The following FBXO11 variants were observed in gnomAD, a reference collection of about 807,000 sequenced individuals.
FBXO11 encodes F-box only protein 11.
FBXO11 carries 13 observed loss-of-function variants against 117.0 expected under a neutral mutation model. The observed-to-expected ratio is 0.11, with a 90% confidence interval of 0.07 to 0.18. The LOEUF (loss-of-function observed/expected upper bound fraction) is 0.18, where lower values mean the gene tolerates loss of function less well. FBXO11 is among the 10% of genes least tolerant of loss of function. The pLI, the probability that FBXO11 is intolerant of heterozygous loss-of-function variation, is 1.00. For synonymous variants in FBXO11, 490 were observed against 380.5 expected (o/e 1.29, Z -3.35); for missense variants, 767 against 1,164.4 (o/e 0.66, Z 4.97).
chr2:47,841,395 C>T (rs1194246510), intron 1 of FBXO11, among the ~76,000 whole-genome samples: 1 of 152,086 alleles, frequency 6.6e-6, no homozygotes, highest in Non-Finnish European at 1.5e-5. Flanking sequence ...AATGAGTTAA[C>T]AGATTTAACC....
At chr2:47,834,746 A>C in intron 6 of FBXO11, 35 bp from the exon 7 acceptor site, 1 of 1,608,908 alleles carries the variant, frequency 6.2e-7, no homozygotes, top group Non-Finnish European at 8.5e-7. Context: ...ACAGAACTGA[A>C]AGATTACCAT....
chr2:47,809,102 T>A, intron 21 of FBXO11, 56 bp downstream of exon 21: 1 of 1,158,508 alleles, frequency 8.6e-7, no homozygotes, highest in Admixed American at 2.2e-5. Context: ...GCATTGCTAA[T>A]TTAAAAAGGA....
chr2:47,829,737 C>A (rs538714082), intron 11 of FBXO11, among the ~76,000 whole-genome samples: 1 of 151,432 alleles, frequency 6.6e-6, no homozygotes, highest in South Asian at 2.1e-4. Context: ...CTTTTAAAGA[C>A]ACATGGTAAA....
chr2:47,878,252 T>C (rs1304838784), intron 1 of FBXO11, among the ~76,000 whole-genome samples: 1 of 152,230 alleles, frequency 6.6e-6, no homozygotes, highest in Non-Finnish European at 1.5e-5. Context: ...AGTAGAGTTT[T>C]GGTCTCTATT....
At chr2:47,901,072 T>TAC (rs202135606) in intron 1 of FBXO11, among the ~76,000 whole-genome samples, 4,400 of 132,130 alleles carry the variant, frequency 0.033, 161 homozygotes, top group Non-Finnish European at 0.049. Context: ...TGTATATATA[T>TAC]ACACACGTGT....
chr2:47,900,309 C>T (rs1572930092), intron 1 of FBXO11, among the ~76,000 whole-genome samples: 1 of 152,196 alleles, frequency 6.6e-6, no homozygotes, highest in East Asian at 1.9e-4. Flanking sequence ...GGTTAGCCAC[C>T]AGATGACAGA....
chr2:47,879,243 T>A (rs58057481), intron 1 of FBXO11, among the ~76,000 whole-genome samples: 8,222 of 152,322 alleles, frequency 0.054, 236 homozygotes, highest in Non-Finnish European at 0.069. Context: ...TACAGAATAA[T>A]CTGATACATG....
chr2:47,855,841 C>G (rs1311802015), intron 1 of FBXO11, among the ~76,000 whole-genome samples: 2 of 105,362 alleles, frequency 1.9e-5, no homozygotes, highest in African/African-American at 7.2e-5. Context: ...TCAAACAGTT[C>G]AAAAAAAAAA....
At chr2:47,862,158 T>C (rs1490823911) in intron 1 of FBXO11, among the ~76,000 whole-genome samples, 4 of 152,174 alleles carry the variant, frequency 2.6e-5, no homozygotes, top group African/African-American at 9.7e-5. Context: ...TGACCTCAAG[T>C]GATCTGCCTG....
rs747839269 is a variant in FBXO11 at position 47,809,244 on chromosome 2, T to C, written c.2469A>G (p.Gln823=). 6.3e-7 allele frequency: 1 copy of C among 1,593,222 alleles called. No individual in the cohort carries two copies. The highest frequency in any genetic ancestry group is 2.2e-5 in the East Asian group (1 of 44,598). The change falls in exon 21 of 23, where the codon CAA becomes CAG. Residue 823 remains glutamine (Q), a synonymous_variant. Transcript: ENST00000403359. ...TMKDNKIMNN[Q]DAIEKAVSRG... is the part of the protein sequence containing the mutation. ...TACTAACAGCCTTTTCTATGGCATC[T>C]TGATTGTTCATTATTTTGTTATCTG...
intron 1 of FBXO11, among the ~76,000 whole-genome samples, chr2:47,879,832 T>C (rs935422723): frequency 6.6e-6 from 1 of 152,202 alleles, no homozygotes; most frequent in African/African-American, 2.4e-5. Context: ...ACTTTAGATA[T>C]CTCATATAAG....
rs900848830 is a variant in FBXO11 at position 47,905,192 on chromosome 2, G to A, written c.232+297C>T. ...CCACCAACAGACTCCCGCGGGGTCT[G>A]TGAGCGAGCGGAGAAGCCAAAGGGA... On this transcript the variant is annotated intron_variant, in intron 1 of 22. Transcript: ENST00000403359. 88 of 211,208 alleles carry A rather than the reference G, an allele frequency of 4.2e-4. 1 individual carries two copies. Among genetic ancestry groups the A allele is most frequent in the Admixed American group, 1.3e-3 (23 of 17,130 alleles). 13.1% of individuals were successfully genotyped at this position (211,208 alleles called of 1,614,324 possible).
At chr2:47,861,494 AT>A (rs1297035742) in intron 1 of FBXO11, among the ~76,000 whole-genome samples, 1 of 151,692 alleles carries the variant, frequency 6.6e-6, no homozygotes, top group Non-Finnish European at 1.5e-5. Flanking sequence ...AATTAAAAAA[AT>A]TTTTTTTGGA....
chr2:47,831,164 C>T (rs530794704), intron 11 of FBXO11, among the ~76,000 whole-genome samples: 1 of 151,744 alleles, frequency 6.6e-6, no homozygotes, highest in Admixed American at 6.5e-5. Context: ...TGCCTGTAAT[C>T]CCAGGACTTT....
At chr2:47,825,824 G>T (rs760225472) in intron 11 of FBXO11, among the ~76,000 whole-genome samples, 15 of 151,968 alleles carry the variant, frequency 9.9e-5, no homozygotes, top group Non-Finnish European at 1.9e-4. Context: ...CAATCCTCCC[G>T]CCTTGGCCTC....
At chr2:47,813,128 G>T in intron 18 of FBXO11, 106 bp downstream of exon 18, 1 of 1,142,006 alleles carries the variant, frequency 8.8e-7, no homozygotes, top group South Asian at 1.2e-5. Flanking sequence ...AAAAAGACTT[G>T]AGATTCACTC....
intron 19 of FBXO11, 43 bp from the exon 20 acceptor site, chr2:47,809,750 T>C (rs373506263): frequency 3.4e-5 from 46 of 1,334,066 alleles, no homozygotes; most frequent in Non-Finnish European, 4.7e-5. Flanking sequence ...CACTTTATAC[T>C]GCTTCTTAAA....
intron 1 of FBXO11, among the ~76,000 whole-genome samples, chr2:47,902,125 G>A (rs928953378): frequency 2.0e-5 from 3 of 151,864 alleles, no homozygotes; most frequent in East Asian, 1.9e-4. Flanking sequence ...TAGTTAAGAC[G>A]AGGTTTCACT....
intron 1 of FBXO11, among the ~76,000 whole-genome samples, chr2:47,866,575 G>C (rs569994614): frequency 5.8e-4 from 88 of 151,846 alleles, no homozygotes; most frequent in African/African-American, 2.1e-3. Flanking sequence ...TCGGGTTCAA[G>C]CGATTCTCCT....
Sources: gnomAD v4.1 joint callset for allele counts (sites outside exome capture counted in the v4.1 genomes callset) on GRCh38, gnomAD v4.1.1 for gene constraint, MANE v1.5 for transcripts, NCBI Gene and HGNC (gene_info 2026-07-23, HGNC 2026-07-21) for gene names.